Variants in KCNQ1 observed in about 807,000 individuals in gnomAD.
KCNQ1 encodes potassium voltage-gated channel subfamily Q member 1.
Under a neutral mutation model 72.4 loss-of-function variants are expected in KCNQ1, and 49 were observed. The observed-to-expected ratio is 0.68, with a 90% CI of 0.54 to 0.86. The LOEUF (loss-of-function observed/expected upper bound fraction) is 0.86. Among genes scored for constraint, KCNQ1 ranks in the 40% least tolerant of loss-of-function variants. KCNQ1 has a pLI of 0.00. For synonymous variants in KCNQ1, 450 were observed against 412.6 expected, an observed-to-expected ratio of 1.09 and a Z score of -1.10; for missense variants, 790 against 945.1, an observed-to-expected ratio of 0.84 and a Z score of 2.15.
At chr11:2,589,383 C>T (rs984231526) in intron 10 of KCNQ1, among the ~76,000 whole-genome samples, 2 of 152,210 alleles carry the variant, frequency 1.3e-5, no homozygotes, top group Non-Finnish European at 2.9e-5. Flanking sequence ...CGTCCCTCCT[C>T]TCACCCCTGC....
chr11:2,615,514 CA>C lies in KCNQ1; in HGVS notation c.1393+26661del, dbSNP rs1343814717. On this transcript the variant is annotated intron_variant, in intron 10 of 15. Transcript: ENST00000155840. Reference sequence around the variant, plus strand: ...GGAGAAATTTTTCAGTTTTTTTTCTCATTAAGTATATTAGTTGTGGATTTTT... The same window carrying C: ...GGAGAAATTTTTCAGTTTTTTTTCTCTTAAGTATATTAGTTGTGGATTTTT... 21 of 397,706 alleles carry C rather than the reference CA, an allele frequency of 5.3e-5. No individual in the cohort carries two copies. The Admixed American group carries it at 9.3e-4, about 18-fold the overall frequency. 24.6% of individuals were successfully genotyped at this position (397,706 alleles called of 1,614,324 possible). A position where few individuals can be genotyped will look rare whatever the true frequency, so the allele number is the denominator to read the frequency against.
rs374639129 is a variant in KCNQ1 at position 2,738,122 on chromosome 11, A to G, written c.1515-30722A>G. Among the ~76,000 whole-genome samples, 5 of 152,184 alleles carry G rather than the reference A, an allele frequency of 3.3e-5. No individual in the cohort carries two copies. The East Asian group carries it at 9.7e-4, about 30-fold the overall frequency. On this transcript the variant is annotated intron_variant, in intron 11 of 15. Transcript: ENST00000155840. The stretch of plus-strand genomic sequence containing the variant: ...TCAGGGCAGGAAATGGAGAAGATGA[A>G]CGAGGAAAGGAGAAACTGCTCCAAA...
rs1362980864 is a variant in KCNQ1 at position 2,664,324 on chromosome 11, G to A, written c.1514+2243G>A. 1 of 398,790 alleles carries A rather than the reference G, an allele frequency of 2.5e-6. No homozygotes were observed. Among genetic ancestry groups the A allele is most frequent in the Admixed American group, 4.4e-5 (1 of 22,720 alleles). The allele number at this position is 398,790 out of a possible 1,614,324, so 24.7% of individuals were successfully genotyped here. A position where few individuals can be genotyped will look rare whatever the true frequency, so the allele number is the denominator to read the frequency against. On this transcript the variant is annotated intron_variant, in intron 11 of 15. Transcript: ENST00000155840. This position sits in a 1 kb window ranked among gnomAD's most constrained non-coding sequence, Gnocchi z 5.1. ...TGTGTTCTGGTCAGGGAAGACTCAG[G>A]GCTGAGGCTTCAGGGGAGCTGGGTT...
At chr11:2,847,031 TGG>T (rs1421015918) in intron 15 of KCNQ1, among the ~76,000 whole-genome samples, 2 of 152,200 alleles carry the variant, frequency 1.3e-5, no homozygotes, top group Non-Finnish European at 2.9e-5. Flanking sequence ...AGATGGTGTC[TGG>T]GAAAATAGTG....
rs1848238929 is a variant in KCNQ1, at chr11:2,565,802, G to A, written c.478-4826G>A. 6.6e-6 allele frequency among the ~76,000 whole-genome samples: 1 copy of A among 152,232 alleles called. No homozygotes were observed. The highest frequency in any genetic ancestry group is 2.4e-5 in the African/African-American group (1 of 41,470). On this transcript the variant is annotated intron_variant, in intron 2 of 15. Coordinates refer to ENST00000155840, the MANE Select transcript of KCNQ1 (RefSeq NM_000218.3). This position sits in a 1 kb window ranked among gnomAD's most constrained non-coding sequence, Gnocchi z 5.6. The stretch of plus-strand genomic sequence containing the variant: ...ATGTCTTTTCTGTTGTTTCTGCGAA[G>A]GTGTCTCAGGGAGGGGCAGAACCCA...
chr11:2,610,910 G>A, intron 10 of KCNQ1: 1 of 397,634 alleles, frequency 2.5e-6, no homozygotes, highest in Admixed American at 4.4e-5. Context: ...ATAGTAGTTG[G>A]GTAATAGTTC....
intron 11 of KCNQ1, chr11:2,675,468 C>T (rs1007208552): frequency 1.0e-5 from 4 of 398,474 alleles, no homozygotes; most frequent in African/African-American, 8.2e-5. Flanking sequence ...AAAAAAGTTA[C>T]ATAAAAACGT....
In KCNQ1 at chr11:2,481,135, G is replaced by T. The variant is rs1022939138; in HGVS notation, c.386+35651G>T. ...TCTGCAGTGAACTGATGCGATGTGT[G>T]ATGTCACTAGTTCTCATCCAAAGCA... is the stretch of plus-strand genomic sequence containing the variant. On this transcript the variant is annotated intron_variant, in intron 1 of 15. Transcript: ENST00000155840. This position sits in a 1 kb window ranked among gnomAD's most constrained non-coding sequence, Gnocchi z 4.6. Among the ~76,000 whole-genome samples, 9 of 152,346 alleles carry T rather than the reference G, an allele frequency of 5.9e-5. No individual in the cohort carries two copies. Among genetic ancestry groups the T allele is most frequent in the African/African-American group, 2.2e-4 (9 of 41,572 alleles).
In KCNQ1 at chr11:2,497,733, G is replaced by T. The variant is rs780568542; in HGVS notation, c.387-30195G>T. On this transcript the variant is annotated intron_variant, in intron 1 of 15. Coordinates refer to ENST00000155840, the MANE Select transcript of KCNQ1 (RefSeq NM_000218.3). The surrounding 1 kb of genome is among the most constrained non-coding windows in gnomAD (Gnocchi z 4.5). ...GCTGGAGAGGAGATGTGATCATTTG[G>T]AGGAGAAGAGGCATTCTGGTTTTTA... 6.6e-6 allele frequency among the ~76,000 whole-genome samples: 1 copy of T among 152,164 alleles called. No homozygotes were observed. The highest frequency in any genetic ancestry group is 2.4e-5 in the African/African-American group (1 of 41,430).
intron 10 of KCNQ1, among the ~76,000 whole-genome samples, chr11:2,594,237 T>C (rs780290876): frequency 1.3e-5 from 2 of 152,226 alleles, no homozygotes; most frequent in Non-Finnish European, 2.9e-5. Flanking sequence ...ACATTTTGTC[T>C]GAAGACTCTG....
chr11:2,462,791 G>A lies in KCNQ1; in HGVS notation c.386+17307G>A, dbSNP rs72847637. Among the ~76,000 whole-genome samples, 1,289 of 152,280 alleles carry A rather than the reference G, an allele frequency of 8.5e-3. 6 individuals are homozygous for A. The highest frequency in any genetic ancestry group is 0.012 in the Non-Finnish European group (786 of 68,020). ...TGCCGGGGGCAGGGAAGGCCTGGAG[G>A]TTTGAGGAGCAGAAAGTAGACCCTT... On this transcript the variant is annotated intron_variant, in intron 1 of 15. Coordinates refer to ENST00000155840, the MANE Select transcript of KCNQ1 (RefSeq NM_000218.3). The surrounding 1 kb of genome is among the most constrained non-coding windows in gnomAD (Gnocchi z 8.2).
At chr11:2,551,077 T>C (rs1172621212) in intron 2 of KCNQ1, among the ~76,000 whole-genome samples, 2 of 152,190 alleles carry the variant, frequency 1.3e-5, no homozygotes, top group Non-Finnish European at 2.9e-5. Flanking sequence ...TTTCTTAGGT[T>C]TTCTTATTTT....
chr11:2,494,778 C>G lies in KCNQ1; in HGVS notation c.387-33150C>G, dbSNP rs1846884035. ...TGAAGATTTTTGCATCGGTGCTCAT[C>G]AGGGATATTGGCCTGAAGTTTTCTT... On this transcript the variant is annotated intron_variant, in intron 1 of 15. Coordinates refer to ENST00000155840, the MANE Select transcript of KCNQ1 (RefSeq NM_000218.3). This position sits in a 1 kb window ranked among gnomAD's most constrained non-coding sequence, Gnocchi z 4.6. 6.6e-6 allele frequency among the ~76,000 whole-genome samples: 1 copy of G among 152,176 alleles called. No homozygotes were observed. The highest frequency in any genetic ancestry group is 2.4e-5 in the African/African-American group (1 of 41,442).
intron 15 of KCNQ1, among the ~76,000 whole-genome samples, chr11:2,806,491 G>C (rs988664202): frequency 6.6e-6 from 1 of 152,228 alleles, no homozygotes; most frequent in Non-Finnish European, 1.5e-5. Flanking sequence ...GACCCGCCTT[G>C]GGCTGTGTAA....
In KCNQ1 at chr11:2,508,121, C is replaced by T. The variant is rs1042724319; in HGVS notation, c.387-19807C>T. ...TGGGCCCCAGCAGGGGTCTGTGTTG[C>T]CTTGGCCCCACGGCAGTGGAGCTGG... On this transcript the variant is annotated intron_variant, in intron 1 of 15. Coordinates refer to ENST00000155840, the MANE Select transcript of KCNQ1 (RefSeq NM_000218.3). The surrounding 1 kb of genome is among the most constrained non-coding windows in gnomAD (Gnocchi z 6.2). Among the ~76,000 whole-genome samples the T allele has an allele frequency of 6.6e-6, 1 of 152,080 alleles. No individual in the cohort carries two copies. Among genetic ancestry groups the T allele is most frequent in the African/African-American group, 2.4e-5 (1 of 41,432 alleles).
Position 2,653,876 on chromosome 11 carries a change from A to T in KCNQ1, c.1394-8085A>T, listed in dbSNP as rs1849795619. 2.5e-6 allele frequency: 1 copy of T among 398,620 alleles called. No homozygotes were observed. Among genetic ancestry groups the T allele is most frequent in the Admixed American group, 4.4e-5 (1 of 22,736 alleles). The allele number at this position is 398,620 out of a possible 1,614,324, so 24.7% of individuals were successfully genotyped here. A position where few individuals can be genotyped will look rare whatever the true frequency, so the allele number is the denominator to read the frequency against. ...CTAAACACTGCACACTAGGAGTGGG[A>T]AAGGAAGAGCCCCCTAAGGAAGATT... On this transcript the variant is annotated intron_variant, in intron 10 of 15. Coordinates refer to ENST00000155840, the MANE Select transcript of KCNQ1 (RefSeq NM_000218.3). This position sits in a 1 kb window ranked among gnomAD's most constrained non-coding sequence, Gnocchi z 5.3.
Position 2,687,916 on chromosome 11 carries a change from A to C in KCNQ1, c.1514+25835A>C, listed in dbSNP as rs957692482. 7.5e-6 allele frequency: 3 copies of C among 398,748 alleles called. No homozygotes were observed. The highest frequency in any genetic ancestry group is 1.3e-5 in the Non-Finnish European group (3 of 226,148). The allele number at this position is 398,748 out of a possible 1,614,324, so 24.7% of individuals were successfully genotyped here. A position where few individuals can be genotyped will look rare whatever the true frequency, so the allele number is the denominator to read the frequency against. ...CCTGGTGGGATGGAAAATCCCCAGC[A>C]GTTGTGAGGCTGCACTTCTCCCACC... is the stretch of plus-strand genomic sequence containing the variant. On this transcript the variant is annotated intron_variant, in intron 11 of 15. Transcript: ENST00000155840. The surrounding 1 kb of genome is among the most constrained non-coding windows in gnomAD (Gnocchi z 5.0).
At chr11:2,632,244 T>G in intron 10 of KCNQ1, 1 of 397,930 alleles carries the variant, frequency 2.5e-6, no homozygotes, top group Non-Finnish European at 4.4e-6. Context: ...ACTATCCTGC[T>G]ACTTTGCTGA....
At chr11:2,681,000 G>A (rs1850387687) in intron 11 of KCNQ1, 1 of 398,450 alleles carries the variant, frequency 2.5e-6, no homozygotes, top group Non-Finnish European at 4.4e-6. Context: ...AAATAGGTAT[G>A]TGTTCTTTTA....
Sources: allele counts gnomAD v4.1 joint callset (sites outside exome capture counted in the v4.1 genomes callset), GRCh38; gene constraint gnomAD v4.1.1; non-coding constraint Gnocchi (gnomAD v3.1); transcripts MANE v1.5; gene names NCBI Gene and HGNC (gene_info 2026-07-23, HGNC 2026-07-21).